Variants in MDGA2 observed in about 807,000 individuals in gnomAD.
MDGA2 encodes MAM domain-containing glycosylphosphatidylinositol anchor protein 2.
A neutral mutation model predicts 117.8 loss-of-function variants in MDGA2; 40 were observed. The observed-to-expected ratio is 0.34, with a 90% CI of 0.26 to 0.44. MDGA2 has a LOEUF of 0.44. MDGA2 is among the 20% of genes least tolerant of loss of function. MDGA2 has a pLI of 1.00. For missense variants in MDGA2, 1,123 were observed against 1,250.6 expected, an observed-to-expected ratio of 0.90 and a Z score of 1.54; for synonymous variants, 452 against 439.0, an observed-to-expected ratio of 1.03 and a Z score of -0.37.
chr14:47,420,965 C>T (rs967862404), intron 1 of MDGA2, among the ~76,000 whole-genome samples: 5 of 151,982 alleles, frequency 3.3e-5, no homozygotes, highest in African/African-American at 1.2e-4. Flanking sequence ...ACAAAGAAAA[C>T]ATGCCTATTT....
At chr14:46,879,297 A>G (rs1274385428) in intron 11 of MDGA2, among the ~76,000 whole-genome samples, 2 of 152,056 alleles carry the variant, frequency 1.3e-5, no homozygotes, top group Non-Finnish European at 2.9e-5. Context: ...GAAGCTAACT[A>G]TGCCAGTGCT....
chr14:46,942,808 T>G (rs1358118851), intron 9 of MDGA2, among the ~76,000 whole-genome samples: 1 of 152,130 alleles, frequency 6.6e-6, no homozygotes, highest in Non-Finnish European at 1.5e-5. Flanking sequence ...GATGGATATT[T>G]GGATTGTTTC....
rs1453030234 is a variant in MDGA2 at position 47,177,254 on chromosome 14, G to A, written c.596-32980C>T. Among the ~76,000 whole-genome samples, 6 of 151,844 alleles carry A rather than the reference G, an allele frequency of 4.0e-5. No individual in the cohort carries two copies. The East Asian group carries it at 7.7e-4, about 20-fold the overall frequency. On this transcript the variant is annotated intron_variant, in intron 3 of 16. Transcript: ENST00000399232. ...GGAAGTCAGTGTGGCGATTCCTCAG[G>A]GATCTAGAACTAGAAATACCATTTG...
intron 1 of MDGA2, among the ~76,000 whole-genome samples, chr14:47,626,839 G>A (rs556378334): frequency 6.4e-4 from 98 of 152,328 alleles, no homozygotes; most frequent in African/African-American, 2.3e-3. Context: ...CCTGACGAGC[G>A]CCGCCCCCTG....
At chr14:46,887,245 A>G (rs1882710277) in intron 10 of MDGA2, among the ~76,000 whole-genome samples, 1 of 152,026 alleles carries the variant, frequency 6.6e-6, no homozygotes, top group South Asian at 2.1e-4. Context: ...TATATGTAAT[A>G]TCCCACAAAC....
chr14:47,356,118 C>A (rs1276934664), intron 1 of MDGA2, among the ~76,000 whole-genome samples: 1 of 152,162 alleles, frequency 6.6e-6, no homozygotes, highest in East Asian at 1.9e-4. Flanking sequence ...GAGGGTAACA[C>A]CTTGGATTCA....
chr14:47,240,261 G>C (rs1886996545), intron 2 of MDGA2, among the ~76,000 whole-genome samples: 1 of 151,676 alleles, frequency 6.6e-6, no homozygotes, highest in Non-Finnish European at 1.5e-5. Context: ...GGTCAGGCTG[G>C]TCTTGAACTC....
At chr14:47,200,523 CT>C (rs1885457304) in intron 3 of MDGA2, 22 of 600,904 alleles carry the variant, frequency 3.7e-5, no homozygotes, top group Admixed American at 2.3e-4. Flanking sequence ...TTTCTTTTTT[CT>C]TTTTCTTTTC....
intron 5 of MDGA2, among the ~76,000 whole-genome samples, chr14:47,106,724 C>G (rs1190009595): frequency 2.6e-5 from 4 of 151,730 alleles, no homozygotes; most frequent in African/African-American, 9.7e-5. Flanking sequence ...GTAACTCTCA[C>G]AGTGGAAGGT....
At chr14:47,306,842 G>GGAGAGAGAGAGA (rs10629208) in intron 1 of MDGA2, among the ~76,000 whole-genome samples, 6,134 of 146,558 alleles carry the variant, frequency 0.042, 377 homozygotes, top group East Asian at 0.3. Flanking sequence ...AGAGAAAGAG[G>GGAGAGAGAGAGA]GAGAGAGAGA....
At chr14:47,173,761 C>T (rs1884296967) in intron 3 of MDGA2, among the ~76,000 whole-genome samples, 2 of 152,196 alleles carry the variant, frequency 1.3e-5, no homozygotes, top group South Asian at 2.1e-4. Flanking sequence ...AAATAACCAG[C>T]TAACATCATA....
At chr14:47,349,792 C>T (rs1374628978) in intron 1 of MDGA2, among the ~76,000 whole-genome samples, 1 of 152,222 alleles carries the variant, frequency 6.6e-6, no homozygotes, top group Non-Finnish European at 1.5e-5. Flanking sequence ...AACTGCTGAC[C>T]TTTCCAGGTC....
intron 8 of MDGA2, among the ~76,000 whole-genome samples, chr14:47,018,530 T>C (rs1008195426): frequency 2.0e-5 from 3 of 151,930 alleles, no homozygotes; most frequent in East Asian, 1.9e-4. Context: ...GAAAAAATTA[T>C]AAAAAGATTA....
At chr14:47,381,753 G>A (rs59109640) in intron 1 of MDGA2, among the ~76,000 whole-genome samples, 2 of 152,128 alleles carry the variant, frequency 1.3e-5, no homozygotes, top group African/African-American at 4.8e-5. Flanking sequence ...TCATGGGTAC[G>A]AAGAATCAAC....
At chr14:47,023,036 G>A (rs1156557064) in intron 8 of MDGA2, among the ~76,000 whole-genome samples, 1 of 151,928 alleles carries the variant, frequency 6.6e-6, no homozygotes, top group African/African-American at 2.4e-5. Flanking sequence ...TTTTTCAGGT[G>A]GACTGGAAAT....
At chr14:47,333,500 T>G (rs1228834317) in intron 1 of MDGA2, among the ~76,000 whole-genome samples, 2 of 151,914 alleles carry the variant, frequency 1.3e-5, no homozygotes, top group African/African-American at 4.8e-5. Flanking sequence ...AAAATCTTTA[T>G]TTTGGCTATG....
At chr14:47,254,377 A>T (rs1887549509) in intron 2 of MDGA2, among the ~76,000 whole-genome samples, 1 of 152,170 alleles carries the variant, frequency 6.6e-6, no homozygotes, top group African/African-American at 2.4e-5. Context: ...ACCCTAAATC[A>T]TCTCACTCAC....
intron 10 of MDGA2, among the ~76,000 whole-genome samples, chr14:46,885,407 A>G (rs1882635070): frequency 6.6e-6 from 1 of 152,164 alleles, no homozygotes; most frequent in Non-Finnish European, 1.5e-5. Context: ...TAGCAAATTG[A>G]GCCAAATAAC....
intron 1 of MDGA2, among the ~76,000 whole-genome samples, chr14:47,389,474 T>C (rs1323591115): frequency 6.6e-6 from 1 of 152,180 alleles, no homozygotes; most frequent in Non-Finnish European, 1.5e-5. Context: ...TTTTAATCTA[T>C]AGGGTCTTTT....
Sources: gnomAD v4.1 joint callset for allele counts (sites outside exome capture counted in the v4.1 genomes callset) on GRCh38, gnomAD v4.1.1 for gene constraint, MANE v1.5 for transcripts, NCBI Gene and HGNC (gene_info 2026-07-23, HGNC 2026-07-21) for gene names.